Variants in RARB observed in about 807,000 individuals in gnomAD.
The protein encoded by RARB is retinoic acid receptor beta.
Under a neutral mutation model 51.9 loss-of-function variants are expected in RARB, and 17 were observed. That is an observed-to-expected ratio of 0.33 (90% CI 0.22 to 0.49). The LOEUF is 0.49. Ranked by LOEUF, RARB falls within the 20% of genes least tolerant of loss-of-function variation. The pLI is 0.99. For synonymous variants in RARB, 215 were observed against 195.4 expected (o/e 1.10, Z -0.84); for missense variants, 369 against 550.8 (o/e 0.67, Z 3.30).
chr3:25,203,252 A>G (rs1701443274), intron 5 of RARB, among the ~76,000 whole-genome samples: 1 of 151,902 alleles, frequency 6.6e-6, no homozygotes, highest in East Asian at 1.9e-4. Flanking sequence ...TAGGATTGCA[A>G]CCCCTGCCTT....
intron 5 of RARB, among the ~76,000 whole-genome samples, chr3:25,246,325 T>G (rs1172333351): frequency 5.9e-5 from 9 of 152,122 alleles, no homozygotes; most frequent in Non-Finnish European, 1.2e-4. Context: ...ATTCTGTCAA[T>G]TTGTCAAACT....
chr3:25,258,935 A>C (rs1038400907), intron 5 of RARB: 5 of 569,034 alleles, frequency 8.8e-6, no homozygotes, highest in African/African-American at 8.2e-5. Context: ...TCTCAAAGGC[A>C]CTAACTTTCA....
intron 5 of RARB, among the ~76,000 whole-genome samples, chr3:25,251,843 A>G (rs562025710): frequency 6.6e-6 from 1 of 152,222 alleles, no homozygotes; most frequent in African/African-American, 2.4e-5. Context: ...TGTCATTTGA[A>G]GTACAAATGT....
Position 25,321,802 on chromosome 3 carries a change from C to G in RARB, c.179-139391C>G, listed in dbSNP as rs547510413. ...AGACCTTGCTCTTTGGTAGAAAGCT[C>G]AGTGTTGTGAAGTTGTAACTTCTCC... On this transcript the variant is annotated intron_variant, in intron 5 of 11. Transcript: ENST00000383772. Among the ~76,000 whole-genome samples the G allele has an allele frequency of 1.1e-3, 162 of 150,992 alleles. 1 individual carries two copies. The highest frequency in any genetic ancestry group is 3.9e-3 in the African/African-American group (160 of 41,062).
At chr3:24,834,738 G>A (rs1702320434) in intron 1 of RARB, among the ~76,000 whole-genome samples, 1 of 152,174 alleles carries the variant, frequency 6.6e-6, no homozygotes, top group Non-Finnish European at 1.5e-5. Context: ...TCTAGGGATA[G>A]AAGCAGTTTT....
chr3:25,019,992 T>G (rs1398394417), intron 2 of RARB, among the ~76,000 whole-genome samples: 4 of 152,110 alleles, frequency 2.6e-5, no homozygotes, highest in Non-Finnish European at 5.9e-5. Context: ...ACTGGTGACC[T>G]CTTCCAACTT....
At chr3:25,194,687 G>A (rs1039044264) in intron 5 of RARB, among the ~76,000 whole-genome samples, 1 of 151,106 alleles carries the variant, frequency 6.6e-6, no homozygotes, top group African/African-American at 2.4e-5. Context: ...ATGCACTGAA[G>A]TTTTAAATAA....
Position 25,597,655 on chromosome 3 carries a change from A to G in RARB, c.*1039A>G, listed in dbSNP as rs1391865913. ...TAATATTAACAACTCCCAAAGAAACAGGCATAGAATCTGCCTCCTTTGACC... is the reference window on the plus strand; with the variant it reads ...TAATATTAACAACTCCCAAAGAAACGGGCATAGAATCTGCCTCCTTTGACC... On this transcript the variant is annotated 3_prime_UTR_variant, in exon 8 of 8. Coordinates refer to ENST00000330688, the MANE Select transcript of RARB (RefSeq NM_000965.5). The G allele has an allele frequency of 6.6e-6, 1 of 152,542 alleles. No individual in the cohort carries two copies. The highest frequency in any genetic ancestry group is 1.9e-4 in the East Asian group (1 of 5,186). 9.4% of individuals were successfully genotyped at this position (152,542 alleles called of 1,614,324 possible). A position where few individuals can be genotyped will look rare whatever the true frequency, so the allele number is the denominator to read the frequency against.
intron 5 of RARB, among the ~76,000 whole-genome samples, chr3:25,378,842 T>G (rs1706542853): frequency 6.6e-6 from 1 of 152,158 alleles, no homozygotes; most frequent in South Asian, 2.1e-4. Context: ...ATTTCAGTAT[T>G]TCATAAAGAA....
At chr3:24,857,820 G>A (rs757383958) in intron 1 of RARB, among the ~76,000 whole-genome samples, 8 of 152,128 alleles carry the variant, frequency 5.3e-5, no homozygotes, top group Non-Finnish European at 1.0e-4. Context: ...CAGCTACTTG[G>A]GAGGCTGAGA....
chr3:25,216,226 C>G (rs978811929), intron 5 of RARB, among the ~76,000 whole-genome samples: 4 of 152,128 alleles, frequency 2.6e-5, no homozygotes, highest in East Asian at 3.9e-4. Context: ...TCCTCTCCCC[C>G]ACAAGAGGAA....
intron 5 of RARB, among the ~76,000 whole-genome samples, chr3:25,359,923 A>T (rs1174194658): frequency 6.6e-6 from 1 of 152,150 alleles, no homozygotes; most frequent in African/African-American, 2.4e-5. Flanking sequence ...AATAAGTGCT[A>T]TGTAGTGCTG....
chr3:25,491,999 T>G (rs139906130), intron 2 of RARB, among the ~76,000 whole-genome samples: 1 of 152,276 alleles, frequency 6.6e-6, no homozygotes, highest in Admixed American at 6.5e-5. Flanking sequence ...AGCAGAGCAG[T>G]AAACTAAGCT....
intron 2 of RARB, among the ~76,000 whole-genome samples, chr3:25,496,826 C>T (rs1997352): frequency 0.022 from 3,363 of 151,980 alleles, 129 homozygotes; most frequent in African/African-American, 0.078. Context: ...TGAAAGAGTA[C>T]CATTACGGTG....
intron 5 of RARB, among the ~76,000 whole-genome samples, chr3:25,256,164 T>C (rs186780281): frequency 8.3e-4 from 127 of 152,270 alleles, no homozygotes; most frequent in Non-Finnish European, 1.7e-3. Flanking sequence ...TGTTCAAAAA[T>C]ATTCAACACC....
intron 5 of RARB, among the ~76,000 whole-genome samples, chr3:25,203,812 G>A (rs552119788): frequency 6.6e-6 from 1 of 152,332 alleles, no homozygotes; most frequent in African/African-American, 2.4e-5. Flanking sequence ...CTATTAGTCT[G>A]ATGGGCTTCC....
chr3:24,829,792 G>T (rs1001295685), intron 1 of RARB, among the ~76,000 whole-genome samples: 27 of 152,214 alleles, frequency 1.8e-4, no homozygotes, highest in Non-Finnish European at 3.7e-4. Flanking sequence ...GCACCTGCCA[G>T]CCGGATCCGC....
At chr3:25,337,536 C>T (rs1298442395) in intron 5 of RARB, among the ~76,000 whole-genome samples, 1 of 152,156 alleles carries the variant, frequency 6.6e-6, no homozygotes, top group African/African-American at 2.4e-5. Context: ...GTCTGAAATG[C>T]ATCGACATCA....
intron 7 of RARB, among the ~76,000 whole-genome samples, chr3:25,595,040 A>G (rs1485274356): frequency 6.6e-6 from 1 of 152,184 alleles, no homozygotes. Flanking sequence ...TTTCTTGAAT[A>G]TCTAAACCTT....
Sources: allele counts gnomAD v4.1 joint callset (sites outside exome capture counted in the v4.1 genomes callset), GRCh38; gene constraint gnomAD v4.1.1; transcripts MANE v1.5; gene names NCBI Gene and HGNC (gene_info 2026-07-23, HGNC 2026-07-21).